Variants in SLC16A9 observed in about 807,000 individuals in gnomAD.
SLC16A9 encodes monocarboxylate transporter 9.
Under a neutral mutation model 44.3 loss-of-function variants are expected in SLC16A9, and 26 were observed. The observed-to-expected ratio is 0.59, with a 90% CI of 0.43 to 0.81. The LOEUF is 0.81. Among genes scored for constraint, SLC16A9 ranks in the 40% least tolerant of loss-of-function variants. SLC16A9 has a pLI of 0.00. For missense variants in SLC16A9, 559 were observed against 595.8 expected (o/e 0.94, Z 0.64); for synonymous variants, 230 against 225.1 (o/e 1.02, Z -0.19).
intron 4 of SLC16A9, 141 bp from the exon 5 acceptor site, chr10:59,654,730 T>C: frequency 1.6e-6 from 1 of 641,836 alleles, no homozygotes; most frequent in Non-Finnish European, 2.5e-6. Flanking sequence ...AGATAGAAGA[T>C]AACAATAATA....
chr10:59,703,219 T>C (rs973318485), intron 1 of SLC16A9, among the ~76,000 whole-genome samples: 9 of 152,104 alleles, frequency 5.9e-5, no homozygotes, highest in Non-Finnish European at 1.3e-4. Context: ...CCTCCCAAGC[T>C]CAAATGATCC....
chr10:59,680,120 T>C (rs996676059), intron 2 of SLC16A9, among the ~76,000 whole-genome samples: 1 of 152,174 alleles, frequency 6.6e-6, no homozygotes, highest in East Asian at 1.9e-4. Flanking sequence ...TCATTCACAA[T>C]GTATAACCCA....
rs1314789730 is a variant in SLC16A9 at position 59,681,651 on chromosome 10, G to A, written c.196+2445C>T. ...TGTATATGTATATGTGTATGTGTAT[G>A]TATATGTATATGATGTATATGTATA... On this transcript the variant is annotated intron_variant, in intron 2 of 5. Transcript: ENST00000395348. 9.4e-3 allele frequency among the ~76,000 whole-genome samples: 123 copies of A among 13,080 alleles called. 58 individuals carry two copies. Among genetic ancestry groups the A allele is most frequent in the Non-Finnish European group, 0.023 (102 of 4,470 alleles). The allele number at this position is 13,080 out of a possible 152,430, so 8.6% of individuals were successfully genotyped here.
rs150131472 is a variant in SLC16A9, at chr10:59,673,864, G to A, written c.197-951C>T. Among the ~76,000 whole-genome samples the A allele has an allele frequency of 2.0e-3, 301 of 152,196 alleles. 2 individuals are homozygous for A. The highest frequency in any genetic ancestry group is 5.4e-3 in the African/African-American group (226 of 41,536). On this transcript the variant is annotated intron_variant, in intron 2 of 5. Transcript: ENST00000395348. ...TGATCTACAACTACACACATTAAGG[G>A]TGTATCACACAAACACAATGTAAAT...
At chr10:59,704,806 C>T (rs56289622) in intron 1 of SLC16A9, among the ~76,000 whole-genome samples, 1 of 152,206 alleles carries the variant, frequency 6.6e-6, no homozygotes, top group Non-Finnish European at 1.5e-5. Flanking sequence ...ATAACACTGA[C>T]GTGTTCTTTC....
chr10:59,700,973 C>G (rs1840510291), intron 1 of SLC16A9, among the ~76,000 whole-genome samples: 1 of 152,182 alleles, frequency 6.6e-6, no homozygotes, highest in Non-Finnish European at 1.5e-5. Context: ...TCTGAAGTCT[C>G]CATCCCCAGC....
At chr10:59,684,401 T>C (rs968347429) in intron 1 of SLC16A9, 74 bp from the exon 2 acceptor site, 8 of 666,752 alleles carry the variant, frequency 1.2e-5, no homozygotes, top group Admixed American at 7.5e-5. Context: ...TAAAAATATC[T>C]CCTCCTAAAG....
intron 2 of SLC16A9, among the ~76,000 whole-genome samples, chr10:59,673,178 TG>T (rs1354949626): frequency 1.3e-5 from 2 of 152,198 alleles, no homozygotes; most frequent in African/African-American, 4.8e-5. Flanking sequence ...ATGGAGGTTC[TG>T]GAGTCAGATT....
At chr10:59,688,578 C>G (rs1219194694) in intron 1 of SLC16A9, among the ~76,000 whole-genome samples, 2 of 151,856 alleles carry the variant, frequency 1.3e-5, no homozygotes, top group African/African-American at 4.8e-5. Context: ...CTCTCTGGTA[C>G]CTACTCTATT....
chr10:59,652,837 A>T lies in SLC16A9; in HGVS notation c.1465T>A (p.Cys489Ser). 1.2e-6 allele frequency: 2 copies of T among 1,614,026 alleles called. No individual in the cohort carries two copies. Among genetic ancestry groups the T allele is most frequent in the Non-Finnish European group, 8.5e-7 (1 of 1,179,934 alleles). Residue 489 changes from cysteine (C) to serine (S), a missense_variant, in exon 6 of 6, where the codon TGC (cysteine) becomes AGC (serine). Coordinates refer to ENST00000395348, the MANE Select transcript of SLC16A9 (RefSeq NM_194298.3). Reference sequence around the variant, plus strand: ...GCTGGCTTGGGGAGTTGCTTGTTGCATGTATCCCAAGAGGGCAAGGCTGCC... The same window carrying T: ...GCTGGCTTGGGGAGTTGCTTGTTGCTTGTATCCCAAGAGGGCAAGGCTGCC... ...LLAALPSWDT[C>S]NKQLPKPAPT... is the part of the protein sequence containing the mutation.
intron 1 of SLC16A9, among the ~76,000 whole-genome samples, chr10:59,703,757 C>T (rs1171622): frequency 0.25 from 37,723 of 149,016 alleles, 5,763 homozygotes; most frequent in East Asian, 0.66. Context: ...CTTGCTGTGT[C>T]GCCCAGGCCG....
intron 3 of SLC16A9, among the ~76,000 whole-genome samples, chr10:59,665,736 T>C (rs1028591483): frequency 2.6e-5 from 4 of 152,214 alleles, no homozygotes; most frequent in Non-Finnish European, 4.4e-5. Context: ...GCGGTTTTAT[T>C]GTAAATAATG....
Position 59,708,053 on chromosome 10 carries a change from G to T in SLC16A9, c.-37+1426C>A, listed in dbSNP as rs573684800. Among the ~76,000 whole-genome samples the T allele has an allele frequency of 3.9e-5, 6 of 152,288 alleles. No individual in the cohort carries two copies. In the East Asian group the frequency reaches 1.2e-3, roughly 29 times the overall value. On this transcript the variant is annotated intron_variant, in intron 1 of 5. Coordinates refer to ENST00000395348, the MANE Select transcript of SLC16A9 (RefSeq NM_194298.3). Reference sequence around the variant, plus strand: ...AGAAACCAGTAGGGATGTTATTAGGGGGTCGGTGGTGCTGAAAGTCTGAGT... The same window carrying T: ...AGAAACCAGTAGGGATGTTATTAGGTGGTCGGTGGTGCTGAAAGTCTGAGT...
At position 59,651,900 on chromosome 10, in the gene SLC16A9, C is replaced by A. The variant is rs1839209626; in HGVS notation, c.*872G>T. Reference sequence around the variant, plus strand: ...GAACTTGCAGCCCATCCCCACTGTGCCCAAAGCAAATGGATGTTTCCCATT... The same window carrying A: ...GAACTTGCAGCCCATCCCCACTGTGACCAAAGCAAATGGATGTTTCCCATT... On this transcript the variant is annotated 3_prime_UTR_variant, in exon 6 of 6. Coordinates refer to ENST00000395348, the MANE Select transcript of SLC16A9 (RefSeq NM_194298.3). 1 of 152,158 alleles carries A rather than the reference C, an allele frequency of 6.6e-6. No homozygotes were observed. The highest frequency in any genetic ancestry group is 2.4e-5 in the African/African-American group (1 of 41,428). The allele number at this position is 152,158 out of a possible 1,614,324, so 9.4% of individuals were successfully genotyped here.
intron 2 of SLC16A9, among the ~76,000 whole-genome samples, chr10:59,683,582 G>A (rs1588983409): frequency 6.6e-6 from 1 of 152,154 alleles, no homozygotes; most frequent in East Asian, 1.9e-4. Flanking sequence ...AAGTTCTCAT[G>A]ACCACAGGAC....
In SLC16A9 at chr10:59,655,555, G is replaced by A. The variant is rs535589214; in HGVS notation, c.437-966C>T. Among the ~76,000 whole-genome samples the A allele has an allele frequency of 1.3e-4, 20 of 152,198 alleles. No homozygotes were observed. The South Asian group carries it at 3.9e-3, about 30-fold the overall frequency. The stretch of plus-strand genomic sequence containing the variant: ...TTATGAGAAAAGTAGAATTTTTTTA[G>A]GGTATTTAAATTACAAAGTATGCTG... On this transcript the variant is annotated intron_variant, in intron 4 of 5. Transcript: ENST00000395348.
At chr10:59,693,934 T>TATTA (rs1263765597) in intron 1 of SLC16A9, among the ~76,000 whole-genome samples, 1 of 141,838 alleles carries the variant, frequency 7.1e-6, no homozygotes, top group Non-Finnish European at 1.5e-5. Context: ...TTTACTTATT[T>TATTA]ATTTATTTAT....
At chr10:59,702,614 C>G (rs1840549431) in intron 1 of SLC16A9, among the ~76,000 whole-genome samples, 1 of 152,142 alleles carries the variant, frequency 6.6e-6, no homozygotes, top group Non-Finnish European at 1.5e-5. Flanking sequence ...AAGTCAGGCC[C>G]ACTTGTTTGT....
chr10:59,677,934 G>A (rs1458680286), intron 2 of SLC16A9, among the ~76,000 whole-genome samples: 2 of 150,742 alleles, frequency 1.3e-5, no homozygotes, highest in Non-Finnish European at 3.0e-5. Context: ...TGTGCACAAT[G>A]TGCAGGTTAG....
Sources: gnomAD v4.1 joint callset for allele counts (sites outside exome capture counted in the v4.1 genomes callset) on GRCh38, gnomAD v4.1.1 for gene constraint, MANE v1.5 for transcripts, NCBI Gene and HGNC (gene_info 2026-07-23, HGNC 2026-07-21) for gene names.